Variants in PSMA8 observed in about 807,000 individuals in gnomAD.
The protein encoded by PSMA8 is proteasome 20S subunit alpha 8.
PSMA8 carries 18 observed loss-of-function variants against 32.4 expected under a neutral mutation model. The ratio of observed to expected loss-of-function variants is 0.56; its 90% CI spans 0.38 to 0.82. The LOEUF is 0.82. PSMA8 is among the 40% of genes least tolerant of loss of function. The pLI, the probability that PSMA8 is intolerant of heterozygous loss-of-function variation, is 0.00. For missense variants in PSMA8, 298 were observed against 300.7 expected, an observed-to-expected ratio of 0.99 and a Z score of 0.07; for synonymous variants, 104 against 98.1, an observed-to-expected ratio of 1.06 and a Z score of -0.36.
chr18:26,192,022 C>T (rs2055407529), intron 6 of PSMA8, among the ~76,000 whole-genome samples: 1 of 152,076 alleles, frequency 6.6e-6, no homozygotes, highest in African/African-American at 2.4e-5. Context: ...TAAAATTAAG[C>T]CTCGCATTAA....
intron 4 of PSMA8, among the ~76,000 whole-genome samples, chr18:26,177,417 T>C (rs1403428791): frequency 6.6e-6 from 1 of 152,206 alleles, no homozygotes; most frequent in Non-Finnish European, 1.5e-5. Flanking sequence ...CATTTCTACA[T>C]CCAAGAATTG....
chr18:26,170,619 A>G, intron 4 of PSMA8: 1 of 764,960 alleles, frequency 1.3e-6, no homozygotes, highest in Non-Finnish European at 2.0e-6. Context: ...AGTTGCTTAG[A>G]AATAATTATA....
At chr18:26,158,458 AAAGT>A (rs1025609232) in intron 4 of PSMA8, among the ~76,000 whole-genome samples, 85 of 152,346 alleles carry the variant, frequency 5.6e-4, no homozygotes, top group African/African-American at 2.0e-3. Context: ...AGATGTGACC[AAAGT>A]AAGTGTTTAT....
At chr18:26,148,149 G>A (rs561901400) in intron 2 of PSMA8, among the ~76,000 whole-genome samples, 111 of 152,180 alleles carry the variant, frequency 7.3e-4, no homozygotes, top group Non-Finnish European at 1.3e-3. Flanking sequence ...AAGTTAAGGA[G>A]TAAACACTTC....
At chr18:26,191,721 C>T (rs1175539904) in intron 6 of PSMA8, among the ~76,000 whole-genome samples, 1 of 152,114 alleles carries the variant, frequency 6.6e-6, no homozygotes, top group African/African-American at 2.4e-5. Flanking sequence ...TCCCAAAGTG[C>T]TGGGATTACA....
chr18:26,144,140 A>G (rs897168078), intron 1 of PSMA8, among the ~76,000 whole-genome samples: 1 of 152,220 alleles, frequency 6.6e-6, no homozygotes, highest in Non-Finnish European at 1.5e-5. Context: ...TTTTGTGACC[A>G]GAAATATTTC....
chr18:26,179,196 T>G, intron 6 of PSMA8, 66 bp downstream of exon 6: 2 of 1,309,264 alleles, frequency 1.5e-6, no homozygotes, highest in Non-Finnish European at 2.2e-6. Context: ...AGTTAAAAAG[T>G]TGTTGGCCTC....
At chr18:26,134,340 G>GTGTGTGT (rs2054891597) in intron 1 of PSMA8, among the ~76,000 whole-genome samples, 28 of 135,202 alleles carry the variant, frequency 2.1e-4, no homozygotes, top group African/African-American at 9.0e-4. Context: ...TGTGTGTGTG[G>GTGTGTGT]GTGTGTGTGT....
At chr18:26,137,659 T>C (rs1598639374) in intron 1 of PSMA8, among the ~76,000 whole-genome samples, 1 of 152,340 alleles carries the variant, frequency 6.6e-6, no homozygotes, top group East Asian at 1.9e-4. Context: ...CAAGACATTT[T>C]TGTTGAATAC....
intron 4 of PSMA8, among the ~76,000 whole-genome samples, chr18:26,178,390 A>G (rs2055280582): frequency 6.6e-6 from 1 of 152,180 alleles, no homozygotes; most frequent in Non-Finnish European, 1.5e-5. Context: ...CAGGAGGCTC[A>G]CTTGAGGCCA....
chr18:26,179,645 C>T (rs2055293981), intron 6 of PSMA8, among the ~76,000 whole-genome samples: 1 of 152,166 alleles, frequency 6.6e-6, no homozygotes, highest in Non-Finnish European at 1.5e-5. Flanking sequence ...AGAGGACCCA[C>T]TGGCTAAAGA....
chr18:26,160,904 T>C (rs2055130301), intron 4 of PSMA8, among the ~76,000 whole-genome samples: 1 of 152,242 alleles, frequency 6.6e-6, no homozygotes, highest in South Asian at 2.1e-4. Context: ...TGGGTAATAG[T>C]GCCTTCCATT....
intron 2 of PSMA8, 83 bp downstream of exon 2, chr18:26,144,768 A>G (rs904097992): frequency 1.1e-5 from 14 of 1,318,030 alleles, no homozygotes; most frequent in Admixed American, 1.0e-4. Context: ...CAGTTGTGCT[A>G]TATTTATAAA....
intron 3 of PSMA8, among the ~76,000 whole-genome samples, chr18:26,154,302 T>C (rs2055069381): frequency 6.7e-6 from 1 of 149,412 alleles, no homozygotes; most frequent in South Asian, 2.1e-4. Flanking sequence ...TTGCCCTATT[T>C]TGATTTCTTG....
At chr18:26,179,257 C>A in intron 6 of PSMA8, 127 bp downstream of exon 6, 2 of 591,452 alleles carry the variant, frequency 3.4e-6, no homozygotes, top group South Asian at 3.0e-5. Flanking sequence ...AACCTCCACT[C>A]ATTTCTGACC....
At chr18:26,145,976 T>C (rs1296264223) in intron 2 of PSMA8, among the ~76,000 whole-genome samples, 1 of 152,238 alleles carries the variant, frequency 6.6e-6, no homozygotes, top group Non-Finnish European at 1.5e-5. Flanking sequence ...ACTAGCAATA[T>C]ATGAGTGATT....
At chr18:26,164,213 G>A (rs950268070) in intron 4 of PSMA8, among the ~76,000 whole-genome samples, 1 of 152,130 alleles carries the variant, frequency 6.6e-6, no homozygotes, top group Non-Finnish European at 1.5e-5. Flanking sequence ...CAAGGTGGGA[G>A]GATCACTTGA....
intron 1 of PSMA8, 148 bp downstream of exon 1, chr18:26,134,215 G>C (rs1231680201): frequency 4.8e-6 from 3 of 620,066 alleles, no homozygotes; most frequent in East Asian, 2.8e-5. Flanking sequence ...TTTATTTAGG[G>C]AGACAGACTT....
intron 6 of PSMA8, among the ~76,000 whole-genome samples, chr18:26,190,119 G>A (rs1443721780): frequency 2.6e-5 from 4 of 152,170 alleles, no homozygotes; most frequent in African/African-American, 9.6e-5. Flanking sequence ...GAGATACAGA[G>A]TAGAAGGATG....
Sources: allele counts gnomAD v4.1 joint callset (sites outside exome capture counted in the v4.1 genomes callset), GRCh38; gene constraint gnomAD v4.1.1; transcripts MANE v1.5; gene names NCBI Gene and HGNC (gene_info 2026-07-23, HGNC 2026-07-21).